COX11: variants seen among roughly 807,000 people sequenced by gnomAD.
The protein encoded by COX11 is cytochrome c oxidase assembly protein COX11, mitochondrial.
Under a neutral mutation model 29.4 loss-of-function variants are expected in COX11, and 18 were observed. The observed-to-expected ratio is 0.61, with a 90% CI of 0.42 to 0.91. The LOEUF is 0.91. COX11 is among the 40% of genes least tolerant of loss of function. The pLI is 0.00. For missense variants in COX11, 312 were observed against 346.0 expected (o/e 0.90, Z 0.78); for synonymous variants, 131 against 124.0 (o/e 1.06, Z -0.38).
rs2144133749 is a variant in COX11 at position 54,962,813 on chromosome 17, T to C, written c.751A>G (p.Lys251Glu). The C allele has an allele frequency of 6.2e-7, 1 of 1,613,172 alleles. No homozygotes were observed. The highest frequency in any genetic ancestry group is 2.2e-5 in the East Asian group (1 of 44,756). ...PEFAEDPRMI[K>E]VDLITLSYTF... ...TAAGAAAGAGTGATAAGATCAACTT[T>C]AATCATTCTTGGATCTTCAGCAAAT... Residue 251 changes from lysine (K) to glutamate (E), a missense_variant, in exon 4 of 4, where the codon AAA becomes GAA. Physicochemically the swap from Lys to Glu is moderately conservative, Grantham distance 56. This residue lies in a region of COX11 where 182 missense variants were observed against 240.0 expected (regional missense o/e 0.76). Coordinates refer to ENST00000299335, the MANE Select transcript of COX11 (RefSeq NM_004375.5).
Position 54,961,852 on chromosome 17 carries a change from T to C in COX11, c.*881A>G, listed in dbSNP as rs2077132334. 4.1e-6 allele frequency: 4 copies of C among 969,486 alleles called. No homozygotes were observed. The highest frequency in any genetic ancestry group is 4.9e-6 in the Non-Finnish European group (4 of 815,272). The allele number at this position is 969,486 out of a possible 1,614,324, so 60.1% of individuals were successfully genotyped here. ...TTCTTTGTAATGCTAAATAGCCTTT[T>C]TTTCTCTTTTTACTGCAACTTAATA... On this transcript the variant is annotated 3_prime_UTR_variant, in exon 4 of 4. Transcript: ENST00000299335.
chr17:54,962,674 G>A lies in COX11; in HGVS notation c.*59C>T. 1 of 1,566,648 alleles carries A rather than the reference G, an allele frequency of 6.4e-7. No homozygotes were observed. Among genetic ancestry groups the A allele is most frequent in the South Asian group, 1.2e-5 (1 of 83,520 alleles). The stretch of plus-strand genomic sequence containing the variant: ...TTGTACAATATTTCTCCTTTGAGAA[G>A]ATAGGATATATGATTTTCCCAAAAA... On this transcript the variant is annotated 3_prime_UTR_variant, in exon 4 of 4. Coordinates refer to ENST00000299335, the MANE Select transcript of COX11 (RefSeq NM_004375.5).
chr17:54,961,028 C>T lies in COX11; in HGVS notation c.*1705G>A. ...TTTCCTATTTTCAGCACTACTAATC[C>T]CATGTATTTACTATTTAATGGTCAC... On this transcript the variant is annotated 3_prime_UTR_variant, in exon 4 of 4. Coordinates refer to ENST00000299335, the MANE Select transcript of COX11 (RefSeq NM_004375.5). 2 of 583,622 alleles carry T rather than the reference C, an allele frequency of 3.4e-6. No individual in the cohort carries two copies. Among genetic ancestry groups the T allele is most frequent in the Non-Finnish European group, 6.0e-6 (2 of 330,746 alleles). 36.2% of individuals were successfully genotyped at this position (583,622 alleles called of 1,614,324 possible). A position where few individuals can be genotyped will look rare whatever the true frequency, so the allele number is the denominator to read the frequency against.
downstream of COX11, chr17:54,959,123 G>A (rs553435202): frequency 5.9e-5 from 9 of 152,300 alleles, no homozygotes; most frequent in African/African-American, 2.2e-4. Context: ...ATCGTTTTGA[G>A]GGAGATGAGA....
upstream of COX11, chr17:54,955,247 G>A (rs749131949): frequency 2.2e-4 from 33 of 152,222 alleles, no homozygotes; most frequent in African/African-American, 9.7e-5. Context: ...GATCATGTTC[G>A]GTCCGGGCAG....
exon 1 of COX11, chr17:54,954,528 G>C (rs35573927): frequency 0.23 from 34,774 of 152,138 alleles, 4,455 homozygotes; most frequent in South Asian, 0.3. Context: ...AGAGTTTGGA[G>C]GGCCTGGCAA....
Position 54,960,555 on chromosome 17 carries a change from C to T in COX11, c.*2178G>A. 9 of 1,611,150 alleles carry T rather than the reference C, an allele frequency of 5.6e-6. No homozygotes were observed. The highest frequency in any genetic ancestry group is 1.8e-4 in the Middle Eastern group (1 of 5,550). ...ATACATAACCCTTTTGCTGTGATGG[C>T]TTTGTTTCAGAGCTATTTATGAAGA... On this transcript the variant is annotated 3_prime_UTR_variant, in exon 4 of 4. Coordinates refer to ENST00000299335, the MANE Select transcript of COX11 (RefSeq NM_004375.5).
chr17:54,960,722 C>A lies in COX11; in HGVS notation c.*2011G>T. 1.1e-6 allele frequency: 1 copy of A among 893,580 alleles called. No individual in the cohort carries two copies. The highest frequency in any genetic ancestry group is 1.8e-6 in the Non-Finnish European group (1 of 550,288). 55.4% of individuals were successfully genotyped at this position (893,580 alleles called of 1,614,324 possible). A position where few individuals can be genotyped will look rare whatever the true frequency, so the allele number is the denominator to read the frequency against. ...ATTTAGTATTTAAATTTTCTAAGGG[C>A]CATCTGAGTCTGACACTTTGAAATA... is the stretch of plus-strand genomic sequence containing the variant. On this transcript the variant is annotated 3_prime_UTR_variant, in exon 4 of 4. Coordinates refer to ENST00000299335, the MANE Select transcript of COX11 (RefSeq NM_004375.5).
chr17:54,963,242 A>C, intron 3 of COX11, 64 bp downstream of exon 3: 1 of 1,520,576 alleles, frequency 6.6e-7, no homozygotes, highest in South Asian at 1.2e-5. Flanking sequence ...TAAAACACTA[A>C]GTTTCATACT....
At position 54,968,270 on chromosome 17, in the gene COX11, C is replaced by A. The variant is rs973080972; in HGVS notation, c.366+11G>T. 5.6e-6 allele frequency: 9 copies of A among 1,605,750 alleles called. No homozygotes were observed. Among genetic ancestry groups the A allele is most frequent in the Non-Finnish European group, 7.6e-6 (9 of 1,177,210 alleles). ...CGTCTGCGCCACCCTGCGGGCGGCG[C>A]CGGCCCCTACCTGGCAATAGAGCCG... On this transcript the variant is annotated intron_variant, in intron 1 of 3. Coordinates refer to ENST00000299335, the MANE Select transcript of COX11 (RefSeq NM_004375.5).
upstream of COX11, chr17:54,968,667 A>G: frequency 6.5e-7 from 1 of 1,538,070 alleles, no homozygotes; most frequent in African/African-American, 1.4e-5. Context: ...ACTAACACCC[A>G]CCCGCCTCTC....
rs776380767 is a variant in COX11 at position 54,968,628 on chromosome 17, G to C, written c.19C>G (p.Pro7Ala). Reference sequence around the variant, plus strand: ...CAGAAAGGAACGCACCTCCATCCAGGACGCCAGAGCCCTCCCATAACCCTC... The same window carrying C: ...CAGAAAGGAACGCACCTCCATCCAGCACGCCAGAGCCCTCCCATAACCCTC... MGGLWRPGWRCVPFCGW... is the reference protein window; with the variant it reads MGGLWRAGWRCVPFCGW... The change falls in exon 1 of 4, where the codon CCT becomes GCT. Residue 7 changes from proline to alanine, a missense_variant. By Grantham distance (27) the Pro-to-Ala change is conservative (BLOSUM62 -1). Around this residue, in one of 2 missense-constraint regions of COX11, gnomAD observed 130 missense variants for 106.0 expected, o/e 1.23. Transcript: ENST00000299335. The C allele has an allele frequency of 2.5e-6, 4 of 1,612,598 alleles. No individual in the cohort carries two copies. The highest frequency in any genetic ancestry group is 2.5e-6 in the Non-Finnish European group (3 of 1,179,988).
chr17:54,956,861 G>GT (rs2049535786), downstream of COX11: 3 of 152,270 alleles, frequency 2.0e-5, no homozygotes, highest in Admixed American at 6.5e-5. Context: ...AGGGAAGAGG[G>GT]TATGTCGTTG....
chr17:54,964,882 A>G, intron 1 of COX11, 30 bp from the exon 2 acceptor site: 1 of 1,601,942 alleles, frequency 6.2e-7, no homozygotes, highest in Non-Finnish European at 8.5e-7. Flanking sequence ...ATGTTAAACA[A>G]TACTTTTAGG....
chr17:54,965,337 T>G (rs2077198954), intron 1 of COX11, among the ~76,000 whole-genome samples: 1 of 152,236 alleles, frequency 6.6e-6, no homozygotes, highest in Non-Finnish European at 1.5e-5. Context: ...GATTGTAGCT[T>G]CACTTTTATT....
Position 54,962,694 on chromosome 17 carries a change from CA to C in COX11, c.*38del, listed in dbSNP as rs2077150788. 1 of 1,593,972 alleles carries C rather than the reference CA, an allele frequency of 6.3e-7. No individual in the cohort carries two copies. On this transcript the variant is annotated 3_prime_UTR_variant, in exon 4 of 4. Transcript: ENST00000299335. ...GAGAAGATAGGATATATGATTTTCC[CA>C]AAAATCACAACTTTGAAGGAAGACT...
intron 3 of COX11, 34 bp from the exon 4 acceptor site, chr17:54,962,949 T>C (rs1290207026): frequency 1.3e-6 from 2 of 1,552,718 alleles, no homozygotes; most frequent in Admixed American, 1.7e-5. Flanking sequence ...ATAACATTTC[T>C]ATTCTCGTAT....
At chr17:54,964,462 C>T (rs1322862967) in intron 2 of COX11, 4 of 466,568 alleles carry the variant, frequency 8.6e-6, no homozygotes, top group Non-Finnish European at 1.5e-5. Context: ...GGTTCCATTA[C>T]TATAAATTTT....
chr17:54,952,281 T>C (rs2049270517), exon 1 of COX11: 1 of 152,110 alleles, frequency 6.6e-6, no homozygotes, highest in Non-Finnish European at 1.5e-5. Context: ...AGGCCTGATG[T>C]GGTGGCTCAC....
Sources: allele counts gnomAD v4.1 joint callset (sites outside exome capture counted in the v4.1 genomes callset), GRCh38; gene constraint gnomAD v4.1.1; regional missense constraint gnomAD v4.1.1; transcripts MANE v1.5; gene names NCBI Gene and HGNC (gene_info 2026-07-23, HGNC 2026-07-21).